The following KPNA6 variants were observed in gnomAD, a reference collection of about 807,000 sequenced individuals.
KPNA6 encodes karyopherin subunit alpha 6.
Under a neutral mutation model 72.0 loss-of-function variants are expected in KPNA6, and 9 were observed. The observed-to-expected ratio is 0.13, with a 90% CI of 0.08 to 0.22. The LOEUF is 0.22. Among genes scored for constraint, KPNA6 ranks in the 10% least tolerant of loss-of-function variants. The probability of loss-of-function intolerance (pLI) is 1.00; values close to 1 mark genes in which losing one functional copy is unlikely to be tolerated. For synonymous variants in KPNA6, 219 were observed against 242.1 expected, an observed-to-expected ratio of 0.90 and a Z score of 0.89; for missense variants, 374 against 655.7, an observed-to-expected ratio of 0.57 and a Z score of 4.69.
chr1:32,156,667 G>A (rs1266966504), intron 2 of KPNA6, among the ~76,000 whole-genome samples, 186 bp from the exon 3 acceptor site: 1 of 152,144 alleles, frequency 6.6e-6, no homozygotes, highest in Non-Finnish European at 1.5e-5. Context: ...TTCAGACCAC[G>A]GTTGACTGGA....
intron 12 of KPNA6, among the ~76,000 whole-genome samples, chr1:32,167,853 CAA>C (rs376077938): frequency 1.2e-4 from 10 of 80,086 alleles, no homozygotes; most frequent in South Asian, 3.6e-4. Flanking sequence ...GAGTCTGTCA[CAA>C]AAAAAAAAAA....
At chr1:32,170,601 T>C (rs894901868) in intron 13 of KPNA6, 106 bp from the exon 14 acceptor site, 1 of 852,652 alleles carries the variant, frequency 1.2e-6, no homozygotes, top group Non-Finnish European at 1.9e-6. Context: ...ATATGACTTG[T>C]GTTTGTAAGC....
chr1:32,165,241 G>A (rs1190599165), intron 10 of KPNA6, among the ~76,000 whole-genome samples: 2 of 151,638 alleles, frequency 1.3e-5, no homozygotes, highest in South Asian at 2.1e-4. Context: ...TTTTTTAGAG[G>A]GTCTCACTAT....
intron 12 of KPNA6, 45 bp from the exon 13 acceptor site, chr1:32,169,837 T>C (rs746720063): frequency 6.4e-7 from 1 of 1,556,450 alleles, no homozygotes. Context: ...CAGCACTTCA[T>C]GTGTCCTGTA....
chr1:32,126,858 T>G (rs996214109), intron 1 of KPNA6, among the ~76,000 whole-genome samples: 5 of 152,106 alleles, frequency 3.3e-5, no homozygotes, highest in Non-Finnish European at 7.3e-5. Context: ...GGATAAAGAT[T>G]AAGAGAAAGA....
chr1:32,147,746 A>G (rs532733173), intron 1 of KPNA6, among the ~76,000 whole-genome samples: 4 of 140,256 alleles, frequency 2.9e-5, no homozygotes, highest in East Asian at 4.2e-4. Flanking sequence ...TGCAGCTTCA[A>G]CCTCCTGGGC....
rs1642498443 is a variant in KPNA6 at position 32,174,811 on chromosome 1, AC to A, written c.*3919del. On this transcript the variant is annotated 3_prime_UTR_variant, in exon 14 of 14. Transcript: ENST00000373625. ...AAGGGTGCAGGGCTCAGTGCGCTAAACCATGGTAAACATCTTCAATAGAACT... is the reference window on the plus strand; with the variant it reads ...AAGGGTGCAGGGCTCAGTGCGCTAAACATGGTAAACATCTTCAATAGAACT... 6.6e-6 allele frequency: 1 copy of A among 152,198 alleles called. No individual in the cohort carries two copies. Among genetic ancestry groups the A allele is most frequent in the Admixed American group, 6.5e-5 (1 of 15,286 alleles). 9.4% of individuals were successfully genotyped at this position (152,198 alleles called of 1,614,324 possible). A position where few individuals can be genotyped will look rare whatever the true frequency, so the allele number is the denominator to read the frequency against.
intron 1 of KPNA6, among the ~76,000 whole-genome samples, chr1:32,142,700 C>T (rs570747194): frequency 6.6e-6 from 1 of 152,256 alleles, no homozygotes; most frequent in African/African-American, 2.4e-5. Context: ...CTAGGACAGC[C>T]AGATGCTAGA....
At chr1:32,145,014 G>A (rs1257577984) in intron 1 of KPNA6, among the ~76,000 whole-genome samples, 3 of 147,694 alleles carry the variant, frequency 2.0e-5, no homozygotes, top group South Asian at 4.3e-4. Context: ...GTGCAGTGGC[G>A]CGATCTCGGC....
rs187946978 is a variant in KPNA6, at chr1:32,174,976, A to G, written c.*4082A>G. The G allele has an allele frequency of 3.3e-5, 5 of 152,236 alleles. No homozygotes were observed. The highest frequency in any genetic ancestry group is 7.3e-5 in the Non-Finnish European group (5 of 68,054). The allele number at this position is 152,236 out of a possible 1,614,324, so 9.4% of individuals were successfully genotyped here. A position where few individuals can be genotyped will look rare whatever the true frequency, so the allele number is the denominator to read the frequency against. On this transcript the variant is annotated 3_prime_UTR_variant, in exon 14 of 14. Transcript: ENST00000373625. Reference sequence around the variant, plus strand: ...GCTTTTTCATTCTTTTGTTAAGCCAACAAGTTGAGAATTTGGCCCTGCTGG... The same window carrying G: ...GCTTTTTCATTCTTTTGTTAAGCCAGCAAGTTGAGAATTTGGCCCTGCTGG...
rs541680128 is a variant in KPNA6, at chr1:32,173,341, G to C, written c.*2447G>C. ...ACATACACATCCTGCTTGTCCAGCTGTTCCTCCAAAATCTACTTTGGCTTC... is the reference window on the plus strand; with the variant it reads ...ACATACACATCCTGCTTGTCCAGCTCTTCCTCCAAAATCTACTTTGGCTTC... On this transcript the variant is annotated 3_prime_UTR_variant, in exon 14 of 14. Transcript: ENST00000373625. 10 of 378,048 alleles carry C rather than the reference G, an allele frequency of 2.6e-5. No homozygotes were observed. The highest frequency in any genetic ancestry group is 4.2e-5 in the Non-Finnish European group (9 of 213,826). The allele number at this position is 378,048 out of a possible 1,614,324, so 23.4% of individuals were successfully genotyped here.
At position 32,162,541 on chromosome 1, in the gene KPNA6, G is replaced by A. The variant is rs763572551; in HGVS notation, c.911+17G>A. The A allele has an allele frequency of 1.2e-6, 2 of 1,613,068 alleles. No individual in the cohort carries two copies. The highest frequency in any genetic ancestry group is 4.5e-5 in the East Asian group (2 of 44,884). On this transcript the variant is annotated intron_variant, in intron 9 of 13. Coordinates refer to ENST00000373625, the MANE Select transcript of KPNA6 (RefSeq NM_012316.5). ...GCTGCTGATGTGAGTGGTCTTAGAA[G>A]GGGTACAGGTTCTGGCTGGGCACGG...
chr1:32,164,559 T>C (rs1642297648), intron 10 of KPNA6, among the ~76,000 whole-genome samples: 2 of 147,030 alleles, frequency 1.4e-5, no homozygotes, highest in African/African-American at 5.1e-5. Context: ...GTTTTTTGTT[T>C]TTTGTTTTTT....
At chr1:32,113,184 A>G (rs1170413626) in intron 1 of KPNA6, among the ~76,000 whole-genome samples, 1 of 152,058 alleles carries the variant, frequency 6.6e-6, no homozygotes, top group Admixed American at 6.6e-5. Flanking sequence ...TGAGCTCAAG[A>G]GTTTCAGACC....
At chr1:32,167,692 ACT>A (rs751760141) in intron 12 of KPNA6, among the ~76,000 whole-genome samples, 7 of 151,782 alleles carry the variant, frequency 4.6e-5, no homozygotes, top group Non-Finnish European at 4.4e-5. Context: ...ACATAAGAAG[ACT>A]CTGTCTCTAC....
Position 32,170,915 on chromosome 1 carries a change from AG to A in KPNA6, c.*25del. On this transcript the variant is annotated 3_prime_UTR_variant, in exon 14 of 14. Coordinates refer to ENST00000373625, the MANE Select transcript of KPNA6 (RefSeq NM_012316.5). ...TATAATATCTGCCTCCAGGGAGGGG[AG>A]GGGATGGGAAGCACCACCAGCCAGC... 3 of 1,609,224 alleles carry A rather than the reference AG, an allele frequency of 1.9e-6. No homozygotes were observed. Among genetic ancestry groups the A allele is most frequent in the Non-Finnish European group, 2.6e-6 (3 of 1,176,084 alleles).
At chr1:32,145,621 G>T (rs1453452919) in intron 1 of KPNA6, among the ~76,000 whole-genome samples, 3 of 152,136 alleles carry the variant, frequency 2.0e-5, no homozygotes, top group Admixed American at 6.6e-5. Flanking sequence ...CACCCCGCCT[G>T]GTCTGGCTAA....
chr1:32,168,550 T>C (rs1642379306), intron 12 of KPNA6, among the ~76,000 whole-genome samples: 1 of 152,250 alleles, frequency 6.6e-6, no homozygotes, highest in Non-Finnish European at 1.5e-5. Flanking sequence ...AATAGTTAAG[T>C]GTTTTGCCCT....
At chr1:32,145,698 G>T (rs1163994738) in intron 1 of KPNA6, among the ~76,000 whole-genome samples, 1 of 152,050 alleles carries the variant, frequency 6.6e-6, no homozygotes, top group Non-Finnish European at 1.5e-5. Context: ...CCACTGAATG[G>T]ACATAATATC....
Sources: gnomAD v4.1 joint callset for allele counts (sites outside exome capture counted in the v4.1 genomes callset) on GRCh38, gnomAD v4.1.1 for gene constraint, MANE v1.5 for transcripts, NCBI Gene and HGNC (gene_info 2026-07-23, HGNC 2026-07-21) for gene names.